The following OBSL1 variants were observed in gnomAD, a reference collection of about 807,000 sequenced individuals.
The protein encoded by OBSL1 is obscurin-like protein 1.
In OBSL1, 160 loss-of-function variants were observed where a neutral mutation model predicts 172.0. That is an observed-to-expected ratio of 0.93 (90% CI 0.82 to 1.06). The LOEUF (loss-of-function observed/expected upper bound fraction) is 1.06, where lower values mean the gene tolerates loss of function less well. Among genes scored for constraint, OBSL1 ranks in the 50% least tolerant of loss-of-function variants. The pLI is 0.00. For missense variants in OBSL1, 2,681 were observed against 2,715.4 expected, an observed-to-expected ratio of 0.99 and a Z score of 0.28; for synonymous variants, 1,200 against 1,196.3, an observed-to-expected ratio of 1.00 and a Z score of -0.06.
chr2:219,565,545 C>T (rs1166225100), intron 5 of OBSL1, 31 bp from the exon 6 acceptor site: 6 of 1,591,844 alleles, frequency 3.8e-6, no homozygotes, highest in Non-Finnish European at 5.1e-6. Context: ...ATAAGCACCC[C>T]TCCCTCCGGT....
Position 219,570,992 on chromosome 2 carries a change from C to T in OBSL1, c.241G>A (p.Val81Ile), listed in dbSNP as rs775129122. Reference protein sequence around the residue: ...LTAALPTDAGVYVCRARNAAG... With the variant: ...LTAALPTDAGIYVCRARNAAG... ...GCGTTGCGGGCGCGGCACACGTAGACCCCCGCGTCGGTGGGCAGTGCGGCG... is the reference window on the plus strand; with the variant it reads ...GCGTTGCGGGCGCGGCACACGTAGATCCCCGCGTCGGTGGGCAGTGCGGCG... Residue 81 changes from valine (V) to isoleucine (I), a missense_variant, in exon 1 of 21, where the codon GTC becomes ATC. Around this residue, in one of 5 missense-constraint regions of OBSL1, gnomAD observed 67 missense variants for 109.3 expected, o/e 0.61. Transcript: ENST00000404537. The T allele has an allele frequency of 2.9e-6, 4 of 1,396,640 alleles. No individual in the cohort carries two copies. The highest frequency in any genetic ancestry group is 3.7e-6 in the Non-Finnish European group (4 of 1,075,836). 86.5% of individuals were successfully genotyped at this position (1,396,640 alleles called of 1,614,324 possible).
Position 219,565,558 on chromosome 2 carries a change from A to T in OBSL1, c.2135-44T>A, listed in dbSNP as rs750420541. 1.9e-6 allele frequency: 3 copies of T among 1,582,432 alleles called. No homozygotes were observed. The South Asian group carries it at 3.3e-5, about 18-fold the overall frequency. ...AGATAAGCACCCCTCCCTCCGGTGC[A>T]TGGGCTCAGTGTCGGATGCATCAGA... On this transcript the variant is annotated intron_variant, in intron 5 of 20. Coordinates refer to ENST00000404537, the MANE Select transcript of OBSL1 (RefSeq NM_015311.3).
At position 219,571,272 on chromosome 2, in the gene OBSL1, G is replaced by T. The variant is rs780591911; in HGVS notation, c.-40C>A. ...GCCTGCAGCGGCGAACGGTGGGGGG[G>T]CAGGGGGGGGTGCGGAGGGCGAGCC... On this transcript the variant is annotated 5_prime_UTR_variant, in exon 1 of 21. Coordinates refer to ENST00000404537, the MANE Select transcript of OBSL1 (RefSeq NM_015311.3). The T allele has an allele frequency of 3.5e-6, 4 of 1,156,730 alleles. No individual in the cohort carries two copies. Among genetic ancestry groups the T allele is most frequent in the Middle Eastern group, 3.3e-4 (1 of 3,026 alleles). 71.7% of individuals were successfully genotyped at this position (1,156,730 alleles called of 1,614,324 possible).
intron 6 of OBSL1, among the ~76,000 whole-genome samples, chr2:219,564,081 G>A (rs1481393389): frequency 2.0e-5 from 3 of 152,240 alleles, no homozygotes; most frequent in African/African-American, 7.2e-5. Context: ...CCCTGTCACT[G>A]GGTGCATTCA....
At chr2:219,561,972 G>A (rs185174406) in intron 8 of OBSL1, 5 of 717,630 alleles carry the variant, frequency 7.0e-6, no homozygotes, top group African/African-American at 5.2e-5. Flanking sequence ...GCATAACTCC[G>A]GATTGTTATT....
rs1559135214 is a variant in OBSL1 at position 219,554,572 on chromosome 2, CGGT to C, written c.4775_4777del (p.His1592del). On this transcript the variant is annotated inframe_deletion, in exon 15 of 21. Transcript: ENST00000404537. ...CAGGCCATTGAGTACCAGTCGGTGA[CGGT>C]GGCCGTCCGAGTGGATGTGACACTT... 3 of 1,613,246 alleles carry C rather than the reference CGGT, an allele frequency of 1.9e-6. No individual in the cohort carries two copies. The African/African-American group carries it at 4.0e-5, about 22-fold the overall frequency.
intron 4 of OBSL1, 52 bp downstream of exon 4, chr2:219,567,221 G>A: frequency 1.9e-6 from 3 of 1,564,502 alleles, no homozygotes; most frequent in Non-Finnish European, 2.6e-6. Flanking sequence ...CCAGCACTGA[G>A]GGCTGGGGAA....
rs771933282 is a variant in OBSL1, at chr2:219,565,307, T to C, written c.2342A>G (p.Gln781Arg). The change falls in exon 6 of 21, where the codon CAG becomes CGG. Residue 781 changes from glutamine (Q) to arginine (R), a missense_variant. Around this residue, in one of 5 missense-constraint regions of OBSL1, gnomAD observed 1,765 missense variants for 1,748.3 expected, o/e 1.01. Transcript: ENST00000404537. ...CCTGCACTCAAACTCGCCACTGTCC[T>C]GGACTTTGGCCTCAGGCAGGATCAG... ...HRLILPEAKV[Q>R]DSGEFECRTE... is the part of the protein sequence containing the mutation. 1 of 1,614,068 alleles carries C rather than the reference T, an allele frequency of 6.2e-7. No homozygotes were observed. The highest frequency in any genetic ancestry group is 1.1e-5 in the South Asian group (1 of 91,090).
Position 219,570,580 on chromosome 2 carries a change from G to C in OBSL1, c.653C>G (p.Ala218Gly). 1 of 1,526,674 alleles carries C rather than the reference G, an allele frequency of 6.6e-7. No homozygotes were observed. The allele number at this position is 1,526,674 out of a possible 1,614,324, so 94.6% of individuals were successfully genotyped here. A position where few individuals can be genotyped will look rare whatever the true frequency, so the allele number is the denominator to read the frequency against. Residue 218 changes from alanine to glycine, a missense_variant, in exon 1 of 21, where the codon GCG (alanine) becomes GGG (glycine). Ala to Gly is a moderately conservative substitution (Grantham distance 60, BLOSUM62 0). Around this residue, in one of 5 missense-constraint regions of OBSL1, gnomAD observed 706 missense variants for 695.8 expected, o/e 1.01. Coordinates refer to ENST00000404537, the MANE Select transcript of OBSL1 (RefSeq NM_015311.3). Reference protein sequence around the residue: ...VCHARNAHGHAQAGALLQVHQ... With the variant: ...VCHARNAHGHGQAGALLQVHQ... ...CACCTGGAGCAGCGCCCCCGCCTGC[G>C]CGTGGCCGTGCGCGTTGCGGGCGTG...
intron 8 of OBSL1, 191 bp from the exon 9 acceptor site, chr2:219,559,688 C>T: frequency 1.7e-6 from 1 of 571,764 alleles, no homozygotes; most frequent in Non-Finnish European, 3.0e-6. Flanking sequence ...ATCCAGAATG[C>T]TTTGGATTCC....
At chr2:219,565,129 T>TGGAGTCTCCCTGTAAA in intron 6 of OBSL1, 113 bp downstream of exon 6, 1 of 1,139,312 alleles carries the variant, frequency 8.8e-7, no homozygotes, top group South Asian at 1.6e-5. Context: ...CCTGGGCCAC[T>TGGAGTCTCCCTGTAAA]GGACTCTCCC....
Position 219,562,819 on chromosome 2 carries a change from T to C in OBSL1, c.2681-145A>G, listed in dbSNP as rs1233825414. On this transcript the variant is annotated intron_variant, in intron 7 of 20. Coordinates refer to ENST00000404537, the MANE Select transcript of OBSL1 (RefSeq NM_015311.3). ...ACCAAATCTCACAGCAGCTGACAGT[T>C]ACTCACAGCTAGAGACACACGAATA... The C allele has an allele frequency of 6.2e-6, 5 of 808,674 alleles. No individual in the cohort carries two copies. The Admixed American group carries it at 1.4e-4, about 22-fold the overall frequency. The allele number at this position is 808,674 out of a possible 1,614,324, so 50.1% of individuals were successfully genotyped here.
At chr2:219,555,667 A>G in intron 14 of OBSL1, 1 of 1,086,314 alleles carries the variant, frequency 9.2e-7, no homozygotes, top group South Asian at 3.8e-5. Flanking sequence ...TTTGGGTGGG[A>G]GGTGTGGGGT....
chr2:219,555,768 A>G lies in OBSL1; in HGVS notation c.4609+252T>C. 3 of 1,364,370 alleles carry G rather than the reference A, an allele frequency of 2.2e-6. No individual in the cohort carries two copies. The South Asian group carries it at 6.0e-5, about 27-fold the overall frequency. 84.5% of individuals were successfully genotyped at this position (1,364,370 alleles called of 1,614,324 possible). A position where few individuals can be genotyped will look rare whatever the true frequency, so the allele number is the denominator to read the frequency against. On this transcript the variant is annotated intron_variant, in intron 14 of 20. Transcript: ENST00000404537. ...ATGCCCATGGCAAGTCTTTCTGGAGAATATTTGTGTTTATAGCAAAGCCGA... is the reference window on the plus strand; with the variant it reads ...ATGCCCATGGCAAGTCTTTCTGGAGGATATTTGTGTTTATAGCAAAGCCGA...
chr2:219,554,719 C>A lies in OBSL1; in HGVS notation c.4631G>T (p.Arg1544Leu). The A allele has an allele frequency of 6.4e-7, 1 of 1,562,688 alleles. No homozygotes were observed. Among genetic ancestry groups the A allele is most frequent in the Non-Finnish European group, 8.7e-7 (1 of 1,152,456 alleles). Residue 1544 changes from arginine to leucine, a missense_variant, in exon 15 of 21, where the codon CGG becomes CTG. By Grantham distance (102) the Arg-to-Leu change is moderately radical (BLOSUM62 -2). Coordinates refer to ENST00000404537, the MANE Select transcript of OBSL1 (RefSeq NM_015311.3). ...SVRPRQLRVLRPLEDVTISEG... is the reference protein window; with the variant it reads ...SVRPRQLRVLLPLEDVTISEG... ...ACTGATGGTCACGTCCTCCAGAGGCCGCAGCACCCTCAGCTGCCTCGCTGG... is the reference window on the plus strand; with the variant it reads ...ACTGATGGTCACGTCCTCCAGAGGCAGCAGCACCCTCAGCTGCCTCGCTGG...
chr2:219,570,637 G>A lies in OBSL1; in HGVS notation c.596C>T (p.Ala199Val). Residue 199 changes from alanine to valine, a missense_variant, in exon 1 of 21, where the codon GCT becomes GTT. By Grantham distance (64) the Ala-to-Val change is moderately conservative (BLOSUM62 0). Around this residue, in one of 5 missense-constraint regions of OBSL1, gnomAD observed 706 missense variants for 695.8 expected, o/e 1.01. Transcript: ENST00000404537. Reference sequence around the variant, plus strand: ...GTAGACGCCGGAATCCGGCAGCCGAGCCGCCAGGATGCGCAGTGCCAGGCT... The same window carrying A: ...GTAGACGCCGGAATCCGGCAGCCGAACCGCCAGGATGCGCAGTGCCAGGCT... ...GASLALRILA[A>V]RLPDSGVYVC... 6.6e-7 allele frequency: 1 copy of A among 1,511,260 alleles called. No homozygotes were observed. The allele number at this position is 1,511,260 out of a possible 1,614,324, so 93.6% of individuals were successfully genotyped here. A position where few individuals can be genotyped will look rare whatever the true frequency, so the allele number is the denominator to read the frequency against.
chr2:219,558,467 G>A lies in OBSL1; in HGVS notation c.3227-8C>T, dbSNP rs760836112. The stretch of plus-strand genomic sequence containing the variant: ...CAATCCTCTCTGGTGGGGCTGGTGG[G>A]TGGGCATGGAGAGGGGCACATAGGC... On this transcript the variant is annotated splice_region_variant and splice_polypyrimidine_tract_variant and intron_variant, in intron 9 of 20. Coordinates refer to ENST00000404537, the MANE Select transcript of OBSL1 (RefSeq NM_015311.3). 9.5e-5 allele frequency: 148 copies of A among 1,563,728 alleles called. No individual in the cohort carries two copies. Among genetic ancestry groups the A allele is most frequent in the Non-Finnish European group, 1.2e-4 (141 of 1,156,752 alleles).
rs947724162 is a variant in OBSL1, at chr2:219,566,819, C to A, written c.2134+11G>T. The stretch of plus-strand genomic sequence containing the variant: ...CCCTTTCTGCCCACTCAGGTCCCCA[C>A]TGGCACCAACCTTGGATTGTGAGGG... On this transcript the variant is annotated intron_variant, in intron 5 of 20. Transcript: ENST00000404537. 1.3e-6 allele frequency: 2 copies of A among 1,561,164 alleles called. No homozygotes were observed. The highest frequency in any genetic ancestry group is 1.2e-5 in the South Asian group (1 of 83,842).
intron 12 of OBSL1, 161 bp from the exon 13 acceptor site, chr2:219,556,884 C>T (rs1696051969): frequency 1.4e-6 from 1 of 733,562 alleles, no homozygotes; most frequent in Non-Finnish European, 2.2e-6. Context: ...GACAAGATGC[C>T]AGCTCCCTGC....
Sources: allele counts gnomAD v4.1 joint callset (sites outside exome capture counted in the v4.1 genomes callset), GRCh38; gene constraint gnomAD v4.1.1; regional missense constraint gnomAD v4.1.1; transcripts MANE v1.5; gene names NCBI Gene and HGNC (gene_info 2026-07-23, HGNC 2026-07-21).